Variants in RORA observed in about 807,000 individuals in gnomAD.
RORA encodes the protein nuclear receptor ROR-alpha.
A neutral mutation model predicts 69.5 loss-of-function variants in RORA; 7 were observed. The observed-to-expected ratio is 0.10, with a 90% CI of 0.06 to 0.19. The LOEUF (loss-of-function observed/expected upper bound fraction) is 0.19. Ranked by LOEUF, RORA falls within the 10% of genes least tolerant of loss-of-function variation. The pLI, the probability that RORA is intolerant of heterozygous loss-of-function variation, is 1.00. For synonymous variants in RORA, 261 were observed against 240.8 expected (o/e 1.08, Z -0.78); for missense variants, 457 against 663.0 (o/e 0.69, Z 3.41).
intron 1 of RORA, among the ~76,000 whole-genome samples, chr15:60,757,632 T>G (rs900857348): frequency 6.6e-6 from 1 of 152,144 alleles, no homozygotes; most frequent in Non-Finnish European, 1.5e-5. Flanking sequence ...TCTGACACTT[T>G]CCTTGTCCCA....
intron 1 of RORA, among the ~76,000 whole-genome samples, chr15:60,949,066 G>C (rs562629691): frequency 3.3e-5 from 5 of 152,270 alleles, no homozygotes; most frequent in East Asian, 3.9e-4. Context: ...GGAGTGATGA[G>C]ATACAGCACA....
intron 1 of RORA, among the ~76,000 whole-genome samples, chr15:60,949,355 A>G (rs1237740750): frequency 1.3e-5 from 2 of 152,214 alleles, no homozygotes; most frequent in South Asian, 2.1e-4. Context: ...CTTCACACAG[A>G]TAAAACCTCT....
At chr15:60,572,944 G>T (rs540784632) in intron 2 of RORA, among the ~76,000 whole-genome samples, 1 of 152,312 alleles carries the variant, frequency 6.6e-6, no homozygotes, top group South Asian at 2.1e-4. Flanking sequence ...AATCTTTAAT[G>T]TAATAATTAC....
At chr15:60,994,537 C>T (rs1894471009) in intron 1 of RORA, among the ~76,000 whole-genome samples, 1 of 152,214 alleles carries the variant, frequency 6.6e-6, no homozygotes, top group Non-Finnish European at 1.5e-5. Flanking sequence ...TTCCTGTTGC[C>T]ATCTCTGCCT....
At chr15:61,078,232 C>T (rs944284222) in intron 1 of RORA, among the ~76,000 whole-genome samples, 2 of 152,108 alleles carry the variant, frequency 1.3e-5, no homozygotes, top group Non-Finnish European at 2.9e-5. Flanking sequence ...GGTGCAATCT[C>T]GGTTCACTGC....
intron 1 of RORA, among the ~76,000 whole-genome samples, chr15:60,837,599 A>T (rs1001616333): frequency 6.6e-6 from 1 of 152,190 alleles, no homozygotes; most frequent in Non-Finnish European, 1.5e-5. Context: ...TTTGGAGTGT[A>T]GGGGCGCACC....
chr15:60,617,659 C>CAGAGAGAGAGAGAGAGAGAGAG (rs10594406), intron 2 of RORA, among the ~76,000 whole-genome samples: 5 of 141,424 alleles, frequency 3.5e-5, no homozygotes, highest in Non-Finnish European at 7.8e-5. Flanking sequence ...CACATACAGA[C>CAGAGAGAGAGAGAGAGAGAGAG]AGAGAGAGAG....
intron 2 of RORA, among the ~76,000 whole-genome samples, chr15:60,593,854 C>T (rs1293022837): frequency 6.6e-6 from 1 of 152,150 alleles, no homozygotes; most frequent in Non-Finnish European, 1.5e-5. Flanking sequence ...GTGAGTTGCT[C>T]TTGCCCCTGA....
At chr15:60,603,727 A>G (rs1457091474) in intron 2 of RORA, among the ~76,000 whole-genome samples, 1 of 152,220 alleles carries the variant, frequency 6.6e-6, no homozygotes, top group Admixed American at 6.5e-5. Flanking sequence ...TATGTAACAC[A>G]TTGTATTTTC....
At chr15:60,975,546 C>T (rs1302536997) in intron 1 of RORA, among the ~76,000 whole-genome samples, 1 of 152,106 alleles carries the variant, frequency 6.6e-6, no homozygotes, top group Non-Finnish European at 1.5e-5. Context: ...CTGAAATGAA[C>T]ATGTGGGGTC....
intron 1 of RORA, among the ~76,000 whole-genome samples, chr15:60,803,154 G>A (rs2072611259): frequency 6.6e-6 from 1 of 152,180 alleles, no homozygotes; most frequent in Non-Finnish European, 1.5e-5. Flanking sequence ...AATGGCCTGT[G>A]CCTATAGCAA....
intron 1 of RORA, among the ~76,000 whole-genome samples, chr15:60,951,499 G>A (rs1893094221): frequency 6.6e-6 from 1 of 151,194 alleles, no homozygotes; most frequent in Non-Finnish European, 1.5e-5. Context: ...AGGAATCCAG[G>A]AGCTGGTTTT....
rs10523030 is a variant in RORA, at chr15:61,147,766, CGTGT to C, written c.166+81283_166+81286del. On this transcript the variant is annotated intron_variant, in intron 1 of 10. Transcript: ENST00000335670. This position sits in a 1 kb window ranked among gnomAD's most constrained non-coding sequence, Gnocchi z 4.1. ...TGGTCAGTAGGCACGTGCGCACACG[CGTGT>C]GTGTGTGTGTGTGTGTGTGTGTGTG... 0.013 allele frequency among the ~76,000 whole-genome samples: 1,884 copies of C among 147,678 alleles called. 41 individuals are homozygous for C. Among genetic ancestry groups the C allele is most frequent in the African/African-American group, 0.044 (1,755 of 40,240 alleles).
chr15:60,592,472 C>G, intron 2 of RORA: 1 of 1,363,262 alleles, frequency 7.3e-7, no homozygotes, highest in Non-Finnish European at 9.5e-7. Context: ...CCCGGAGCCC[C>G]CTCTGCCGCC....
chr15:61,118,901 T>C lies in RORA; in HGVS notation c.166+110152A>G, dbSNP rs113677694. On this transcript the variant is annotated intron_variant, in intron 1 of 10. Transcript: ENST00000335670. ...TGTTAAGGCTGAGTTCCTCTTGTCA[T>C]GTGAAACAAAGATGGCCCTGACTAC... Among the ~76,000 whole-genome samples, 1,078 of 152,242 alleles carry C rather than the reference T, an allele frequency of 7.1e-3. 13 individuals carry two copies. Among genetic ancestry groups the C allele is most frequent in the African/African-American group, 0.024 (1,017 of 41,522 alleles).
chr15:61,066,584 G>A (rs1382326207), intron 1 of RORA, among the ~76,000 whole-genome samples: 1 of 151,628 alleles, frequency 6.6e-6, no homozygotes, highest in African/African-American at 2.4e-5. Context: ...GCGCCACCAC[G>A]CCTGGCTAAT....
chr15:60,819,765 A>G (rs143677414), intron 1 of RORA, among the ~76,000 whole-genome samples: 2 of 124,338 alleles, frequency 1.6e-5, no homozygotes, highest in Non-Finnish European at 3.8e-5. Flanking sequence ...ACACACACAC[A>G]CACACACACA....
intron 1 of RORA, among the ~76,000 whole-genome samples, chr15:60,859,114 G>C (rs1406717907): frequency 6.6e-6 from 1 of 151,630 alleles, no homozygotes; most frequent in Admixed American, 6.6e-5. Context: ...AAATACTCTT[G>C]GTCTGGCTTC....
At chr15:61,119,092 G>A (rs1027917048) in intron 1 of RORA, among the ~76,000 whole-genome samples, 2 of 146,052 alleles carry the variant, frequency 1.4e-5, no homozygotes, top group Non-Finnish European at 3.0e-5. Flanking sequence ...GGGGGGGGGG[G>A]GCGCCATGGA....
Sources: gnomAD v4.1 joint callset for allele counts (sites outside exome capture counted in the v4.1 genomes callset) on GRCh38, gnomAD v4.1.1 for gene constraint, Gnocchi (gnomAD v3.1) non-coding constraint, MANE v1.5 for transcripts, NCBI Gene and HGNC (gene_info 2026-07-23, HGNC 2026-07-21) for gene names.